Variants in KLHL13 observed in about 807,000 individuals in gnomAD.
KLHL13 encodes the protein kelch like family member 13.
KLHL13 carries 10 observed loss-of-function variants against 37.1 expected under a neutral mutation model. The ratio of observed to expected loss-of-function variants is 0.27; its 90% confidence interval spans 0.17 to 0.46. KLHL13 has a LOEUF of 0.46. KLHL13 is among the 20% of genes least tolerant of loss of function. The pLI, the probability that KLHL13 is intolerant of heterozygous loss-of-function variation, is 1.00. For synonymous variants in KLHL13, 163 were observed against 181.2 expected, an observed-to-expected ratio of 0.90 and a Z score of 0.81; for missense variants, 360 against 509.3, an observed-to-expected ratio of 0.71 and a Z score of 2.82.
At chrX:117,923,303 T>C (rs928509863) in intron 2 of KLHL13, among the ~76,000 whole-genome samples, 15 of 112,144 alleles carry the variant, frequency 1.3e-4, no homozygotes, top group Non-Finnish European at 2.3e-4. Flanking sequence ...TGATTTTTCT[T>C]GGGAAAAGTA....
intron 4 of KLHL13, among the ~76,000 whole-genome samples, chrX:117,914,050 A>G (rs1253649790): frequency 9.1e-6 from 1 of 110,468 alleles, no homozygotes; most frequent in African/African-American, 3.3e-5. Flanking sequence ...TGGTATTCTC[A>G]ATAACATACT....
chrX:117,914,530 G>A (rs1306441266), intron 4 of KLHL13, among the ~76,000 whole-genome samples: 1 of 111,343 alleles, frequency 9.0e-6, no homozygotes, highest in Non-Finnish European at 1.9e-5. Context: ...ATAAGACTAG[G>A]AAGAAATCCA....
chrX:118,101,808 A>G (rs2055292189), intron 1 of KLHL13, among the ~76,000 whole-genome samples: 1 of 111,088 alleles, frequency 9.0e-6, no homozygotes, highest in Non-Finnish European at 1.9e-5. Context: ...AAGTGTTTAG[A>G]AGTTCCTCCT....
rs1183076558 is a variant in KLHL13, at chrX:117,934,663, AAT to A, written c.240+10769_240+10770del. Among the ~76,000 whole-genome samples, 43 of 110,000 alleles carry A rather than the reference AAT, an allele frequency of 3.9e-4. 1 individual carries two copies. The highest frequency in any genetic ancestry group is 1.9e-5 in the Non-Finnish European group (1 of 52,733). Reference sequence around the variant, plus strand: ...GTATCTAGAATACATATATATGTAAAATATATATATACACATATATGTAATAT... The same window carrying A: ...GTATCTAGAATACATATATATGTAAAATATATATACACATATATGTAATAT... On this transcript the variant is annotated intron_variant, in intron 2 of 6. Transcript: ENST00000262820.
chrX:118,038,056 C>T (rs868818094), intron 1 of KLHL13, among the ~76,000 whole-genome samples: 1 of 112,326 alleles, frequency 8.9e-6, no homozygotes, highest in Non-Finnish European at 1.9e-5. Flanking sequence ...AAAAGGAGAA[C>T]AATTGTTTGA....
At chrX:117,909,924 C>T in exon 5 of KLHL13, 4 of 1,211,618 alleles carry the variant, frequency 3.3e-6, no homozygotes, top group Non-Finnish European at 4.5e-6. Flanking sequence ...GTGCTTAAGG[C>T]TATTACTGGA....
chrX:118,110,371 C>CTTTTTT (rs1479012364), intron 1 of KLHL13, among the ~76,000 whole-genome samples: 4 of 98,314 alleles, frequency 4.1e-5, no homozygotes, highest in African/African-American at 1.6e-4. Context: ...TTTTCTATTT[C>CTTTTTT]TTTTTCTTTT....
intron 1 of KLHL13, among the ~76,000 whole-genome samples, chrX:118,036,682 G>T (rs772105593): frequency 9.0e-6 from 1 of 111,040 alleles, no homozygotes; most frequent in African/African-American, 3.3e-5. Flanking sequence ...CATAGGCATG[G>T]GCAAGGACTT....
chrX:117,993,603 C>T (rs1163723797), intron 1 of KLHL13, among the ~76,000 whole-genome samples: 1 of 111,138 alleles, frequency 9.0e-6, no homozygotes, highest in Non-Finnish European at 1.9e-5. Context: ...ATTCTCAAGC[C>T]CTCTACTATG....
chrX:118,043,582 C>T (rs1219806123), intron 1 of KLHL13, among the ~76,000 whole-genome samples: 1 of 111,901 alleles, frequency 8.9e-6, no homozygotes, highest in Non-Finnish European at 1.9e-5. Context: ...GATGGTTCAA[C>T]ATACATAAAT....
chrX:117,918,577 C>T (rs1451747345), intron 4 of KLHL13, among the ~76,000 whole-genome samples: 1 of 111,479 alleles, frequency 9.0e-6, no homozygotes, highest in Non-Finnish European at 1.9e-5. Flanking sequence ...GAAGTCTTGG[C>T]AATATTTCTG....
chrX:118,049,487 G>T (rs2054592930), intron 1 of KLHL13, among the ~76,000 whole-genome samples: 1 of 111,346 alleles, frequency 9.0e-6, no homozygotes, highest in Non-Finnish European at 1.9e-5. Context: ...CAGAGTGTTA[G>T]ATCATAGAAT....
intron 1 of KLHL13, among the ~76,000 whole-genome samples, chrX:118,023,100 G>A: frequency 9.0e-6 from 1 of 110,582 alleles, no homozygotes; most frequent in Middle Eastern, 4.3e-3. Context: ...TTTTGCAAGT[G>A]GATATACAGT....
intron 1 of KLHL13, among the ~76,000 whole-genome samples, chrX:118,077,936 T>A (rs943873013): frequency 8.9e-6 from 1 of 112,285 alleles, no homozygotes; most frequent in African/African-American, 3.2e-5. Context: ...AATGTACAGA[T>A]GCAGACATTA....
At chrX:117,983,476 A>G in intron 1 of KLHL13, 5 of 1,133,272 alleles carry the variant, frequency 4.4e-6, no homozygotes, top group Non-Finnish European at 5.9e-6. Flanking sequence ...ACCCCTGGAC[A>G]TACCCTGAAG....
upstream of KLHL13, among the ~76,000 whole-genome samples, chrX:117,977,401 A>C (rs1273279999): frequency 9.0e-6 from 1 of 111,688 alleles, no homozygotes; most frequent in Non-Finnish European, 1.9e-5. Flanking sequence ...ATAATTTTAT[A>C]GTAAAACTTA....
intron 1 of KLHL13, among the ~76,000 whole-genome samples, chrX:118,050,699 T>A (rs1362617213): frequency 1.8e-5 from 2 of 112,268 alleles, no homozygotes; most frequent in East Asian, 2.8e-4. Flanking sequence ...CCCATGGATG[T>A]TAACGATTTG....
chrX:117,994,123 T>G (rs1259729110), intron 1 of KLHL13, among the ~76,000 whole-genome samples: 1 of 112,217 alleles, frequency 8.9e-6, no homozygotes, highest in Non-Finnish European at 1.9e-5. Flanking sequence ...ACTCCCATCT[T>G]TCCATCAACC....
intron 1 of KLHL13, among the ~76,000 whole-genome samples, chrX:117,966,366 C>T (rs1427762468): frequency 1.8e-5 from 2 of 110,448 alleles, no homozygotes; most frequent in Non-Finnish European, 1.9e-5. Context: ...TGTGAAGGAC[C>T]TCTTCAAGGA....
Sources: gnomAD v4.1 joint callset for allele counts (sites outside exome capture counted in the v4.1 genomes callset) on GRCh38, gnomAD v4.1.1 for gene constraint, MANE v1.5 for transcripts, NCBI Gene and HGNC (gene_info 2026-07-23, HGNC 2026-07-21) for gene names.